Variants in PDE1C observed in about 807,000 individuals in gnomAD.
PDE1C encodes dual specificity calcium/calmodulin-dependent 3',5'-cyclic nucleotide phosphodiesterase 1C.
In PDE1C, 62 loss-of-function variants were observed where a neutral mutation model predicts 93.1. The ratio of observed to expected loss-of-function variants is 0.67; its 90% confidence interval spans 0.54 to 0.82. PDE1C has a LOEUF of 0.82. PDE1C is among the 40% of genes least tolerant of loss of function. PDE1C has a pLI of 0.00. For missense variants in PDE1C, 742 were observed against 884.6 expected, an observed-to-expected ratio of 0.84 and a Z score of 2.04; for synonymous variants, 325 against 310.1, an observed-to-expected ratio of 1.05 and a Z score of -0.50.
intron 16 of PDE1C, among the ~76,000 whole-genome samples, chr7:31,800,994 T>C (rs1012413754): frequency 2.0e-5 from 3 of 150,966 alleles, no homozygotes; most frequent in South Asian, 2.1e-4. Context: ...ATCATGATGC[T>C]AAAGCAGTAC....
chr7:31,688,438 C>CA, the PDE1C span, among the ~76,000 whole-genome samples: 1 of 152,178 alleles, frequency 6.6e-6, no homozygotes, highest in Admixed American at 6.5e-5. Flanking sequence ...AGAGAAAAGA[C>CA]AAAAAATCCA....
chr7:32,422,360 C>A lies in PDE1C; in HGVS notation c.310+5462G>T, dbSNP rs182452651. 5.8e-4 allele frequency among the ~76,000 whole-genome samples: 89 copies of A among 152,200 alleles called. 1 individual carries two copies. The highest frequency in any genetic ancestry group is 1.9e-3 in the African/African-American group (80 of 41,534). ...TTTCAACTTTAATTTTAGATTCAAG[C>A]CCCATATGTGCAAGTTTGTTACCTG... On this transcript the variant is annotated intron_variant, in intron 1 of 1. Coordinates refer to the PDE1C transcript ENST00000672256.
At chr7:32,294,967 A>C (rs1261862810) in intron 1 of PDE1C, among the ~76,000 whole-genome samples, 1 of 152,216 alleles carries the variant, frequency 6.6e-6, no homozygotes, top group Non-Finnish European at 1.5e-5. Flanking sequence ...CATGTGTTCA[A>C]TCTTAGTCTT....
At chr7:31,968,616 G>C (rs1435625340) in intron 2 of PDE1C, among the ~76,000 whole-genome samples, 2 of 152,154 alleles carry the variant, frequency 1.3e-5, no homozygotes, top group Middle Eastern at 3.4e-3. Flanking sequence ...CTACTTTAAA[G>C]TTCATATGGA....
At chr7:31,876,205 C>T (rs796610978) in intron 5 of PDE1C, among the ~76,000 whole-genome samples, 1 of 152,068 alleles carries the variant, frequency 6.6e-6, no homozygotes, top group Non-Finnish European at 1.5e-5. Flanking sequence ...CTTTGAACTT[C>T]CCCAGTAAAC....
chr7:32,300,224 C>T (rs1324460557), upstream of PDE1C, among the ~76,000 whole-genome samples: 2 of 152,108 alleles, frequency 1.3e-5, no homozygotes, highest in South Asian at 2.1e-4. Flanking sequence ...TTTCAATTCA[C>T]CATGTATTTT....
At chr7:32,339,869 T>C (rs1474023505) in intron 1 of PDE1C, among the ~76,000 whole-genome samples, 1 of 152,054 alleles carries the variant, frequency 6.6e-6, no homozygotes, top group Admixed American at 6.6e-5. Flanking sequence ...CGGTGTAGGG[T>C]GGCCATTTGA....
intron 1 of PDE1C, among the ~76,000 whole-genome samples, chr7:32,337,673 A>C (rs936371558): frequency 1.3e-5 from 2 of 152,104 alleles, no homozygotes; most frequent in Admixed American, 1.3e-4. Flanking sequence ...TCCATATTTA[A>C]CACCACAGGA....
At chr7:32,391,139 C>T (rs1203691471) in intron 1 of PDE1C, among the ~76,000 whole-genome samples, 2 of 151,956 alleles carry the variant, frequency 1.3e-5, no homozygotes, top group African/African-American at 4.8e-5. Context: ...CTACAAGAGG[C>T]ACACTTTAGA....
chr7:31,713,858 T>C, the PDE1C span, among the ~76,000 whole-genome samples: 152 of 152,276 alleles, frequency 1.0e-3, no homozygotes, highest in East Asian at 0.015. Context: ...GAGCACCAAG[T>C]CCCTAGACTG....
intron 2 of PDE1C, among the ~76,000 whole-genome samples, chr7:31,923,521 G>GAGTA (rs535539353): frequency 7.5e-4 from 115 of 152,324 alleles, no homozygotes; most frequent in African/African-American, 2.6e-3. Context: ...ATTCTCTTAT[G>GAGTA]AGTAACATGG....
At chr7:32,264,428 C>T (rs760859536) in intron 1 of PDE1C, among the ~76,000 whole-genome samples, 21 of 152,176 alleles carry the variant, frequency 1.4e-4, no homozygotes, top group Admixed American at 1.3e-4. Context: ...CAGAGTCACA[C>T]ATCTACCAAG....
At chr7:31,746,580 A>C (rs1794011335), downstream of PDE1C, among the ~76,000 whole-genome samples, 1 of 152,192 alleles carries the variant, frequency 6.6e-6, no homozygotes, top group South Asian at 2.1e-4. Flanking sequence ...ATCTATCCAA[A>C]ATAGTTGGAT....
At chr7:31,686,750 C>T in the PDE1C span, 1 of 152,174 alleles carries the variant, frequency 6.6e-6, no homozygotes, top group Non-Finnish European at 1.5e-5. Flanking sequence ...AGAAGAGTGT[C>T]TGGCATTTTG....
At chr7:31,704,145 T>C in the PDE1C span, among the ~76,000 whole-genome samples, 3 of 152,208 alleles carry the variant, frequency 2.0e-5, no homozygotes, top group East Asian at 3.8e-4. Flanking sequence ...TTTGGGCAGT[T>C]TGGGACATCG....
rs150635252 is a variant in PDE1C, at chr7:32,219,228, C to T, written c.86-9689G>A. Reference sequence around the variant, plus strand: ...TAGTAGTGAGAGGTTTCCTGGAAGACGAGGACAGGTGAGATTAGAGAGGTG... The same window carrying T: ...TAGTAGTGAGAGGTTTCCTGGAAGATGAGGACAGGTGAGATTAGAGAGGTG... On this transcript the variant is annotated intron_variant, in intron 1 of 18. Coordinates refer to the PDE1C transcript ENST00000396193. Among the ~76,000 whole-genome samples the T allele has an allele frequency of 2.7e-3, 406 of 152,122 alleles. 1 individual carries two copies. Among genetic ancestry groups the T allele is most frequent in the African/African-American group, 9.4e-3 (388 of 41,482 alleles).
chr7:31,850,712 A>G lies in PDE1C; in HGVS notation c.780T>C (p.Ala260=). The G allele has an allele frequency of 6.2e-7, 1 of 1,613,236 alleles. No individual in the cohort carries two copies. Among genetic ancestry groups the G allele is most frequent in the Non-Finnish European group, 8.5e-7 (1 of 1,179,302 alleles). ...ANWLTELEIF[A]IIFSAAIHDY... Reference sequence around the variant, plus strand: ...CATGGATGGCAGCTGAGAAGATTATAGCAAAGATCTCCAGCTCCGTCAGCC... The same window carrying G: ...CATGGATGGCAGCTGAGAAGATTATGGCAAAGATCTCCAGCTCCGTCAGCC... The change falls in exon 8 of 18, where the codon GCT becomes GCC. Residue 260 remains alanine, a synonymous_variant. Transcript: ENST00000396191.
At chr7:31,787,640 T>C (rs1441900517) in intron 16 of PDE1C, 1 of 152,198 alleles carries the variant, frequency 6.6e-6, no homozygotes, top group Non-Finnish European at 1.5e-5. Context: ...TGCTAGTTAA[T>C]TCTTAATTCA....
At chr7:31,822,961 G>T (rs894464515) in intron 14 of PDE1C, 112 bp downstream of exon 14, 76 of 819,762 alleles carry the variant, frequency 9.3e-5, no homozygotes, top group Non-Finnish European at 1.3e-4. Context: ...CTAATATTCG[G>T]CAATTTGAAT....
Sources: allele counts gnomAD v4.1 joint callset (sites outside exome capture counted in the v4.1 genomes callset), GRCh38; gene constraint gnomAD v4.1.1; transcripts MANE v1.5; gene names NCBI Gene and HGNC (gene_info 2026-07-23, HGNC 2026-07-21).